Variants in ARHGAP10 observed in about 807,000 individuals in gnomAD.
ARHGAP10 encodes rho GTPase-activating protein 10.
A neutral mutation model predicts 108.6 loss-of-function variants in ARHGAP10; 87 were observed. The ratio of observed to expected loss-of-function variants is 0.80; its 90% CI spans 0.67 to 0.96. The LOEUF is 0.96. Among genes scored for constraint, ARHGAP10 ranks in the 40% least tolerant of loss-of-function variants. The pLI, the probability that ARHGAP10 is intolerant of heterozygous loss-of-function variation, is 0.00. For missense variants in ARHGAP10, 939 were observed against 954.5 expected (o/e 0.98, Z 0.21); for synonymous variants, 347 against 341.1 (o/e 1.02, Z -0.19).
At chr4:147,891,915 A>T (rs1735808413) in intron 10 of ARHGAP10, among the ~76,000 whole-genome samples, 1 of 152,038 alleles carries the variant, frequency 6.6e-6, no homozygotes, top group Admixed American at 6.6e-5. Flanking sequence ...ACATGCTGTT[A>T]GCTTCGCTGG....
chr4:147,927,436 T>C (rs894030354), intron 13 of ARHGAP10, among the ~76,000 whole-genome samples: 31 of 152,200 alleles, frequency 2.0e-4, no homozygotes, highest in African/African-American at 7.0e-4. Context: ...AAGATGTCAA[T>C]ACAGAATCTG....
intron 16 of ARHGAP10, among the ~76,000 whole-genome samples, chr4:147,957,031 T>C (rs183834042): frequency 6.6e-6 from 1 of 152,284 alleles, no homozygotes; most frequent in East Asian, 1.9e-4. Flanking sequence ...TGAAAACGAT[T>C]GCAGAAACGC....
Position 147,984,869 on chromosome 4 carries a change from C to T in ARHGAP10, c.1716+18030C>T, listed in dbSNP as rs76656138. 5.1e-3 allele frequency among the ~76,000 whole-genome samples: 782 copies of T among 152,298 alleles called. 7 individuals carry two copies. Among genetic ancestry groups the T allele is most frequent in the African/African-American group, 0.016 (652 of 41,576 alleles). On this transcript the variant is annotated intron_variant, in intron 18 of 22. Transcript: ENST00000336498. The stretch of plus-strand genomic sequence containing the variant: ...TCTGTGGAGTGCACAGTGGTCTGAG[C>T]GCCCTGCTCCAACCTGGAGGAGGGC...
rs561512763 is a variant in ARHGAP10, at chr4:147,778,125, G to A, written c.155-44602G>A. On this transcript the variant is annotated intron_variant, in intron 1 of 22. Coordinates refer to ENST00000336498, the MANE Select transcript of ARHGAP10 (RefSeq NM_024605.4). Reference sequence around the variant, plus strand: ...CAGGGGAGATCCTGCTAGAAGTGTCGGTTTAGCGCTGAGAGGAGCAAAATG... The same window carrying A: ...CAGGGGAGATCCTGCTAGAAGTGTCAGTTTAGCGCTGAGAGGAGCAAAATG... 1.4e-4 allele frequency among the ~76,000 whole-genome samples: 21 copies of A among 152,216 alleles called. No homozygotes were observed. In the South Asian group the frequency reaches 3.5e-3, roughly 26 times the overall value.
chr4:147,916,038 G>A (rs1406531768), intron 13 of ARHGAP10, among the ~76,000 whole-genome samples: 2 of 152,208 alleles, frequency 1.3e-5, no homozygotes, highest in Non-Finnish European at 2.9e-5. Flanking sequence ...GATCCCAGGG[G>A]TCGAGGCTAC....
intron 1 of ARHGAP10, among the ~76,000 whole-genome samples, chr4:147,790,174 C>G (rs1321518046): frequency 6.6e-6 from 1 of 152,002 alleles, no homozygotes; most frequent in Non-Finnish European, 1.5e-5. Context: ...TCCTGACTTG[C>G]ACGCCACCTT....
intron 1 of ARHGAP10, among the ~76,000 whole-genome samples, chr4:147,785,921 C>G (rs1730872773): frequency 6.6e-6 from 1 of 152,118 alleles, no homozygotes; most frequent in African/African-American, 2.4e-5. Context: ...TCACCAAATA[C>G]ATTTTTCAAG....
chr4:147,742,904 C>CTTT (rs11419792), intron 1 of ARHGAP10, among the ~76,000 whole-genome samples: 33 of 144,736 alleles, frequency 2.3e-4, no homozygotes, highest in South Asian at 4.4e-4. Flanking sequence ...TACTGAAAGC[C>CTTT]TTTTTTTTTT....
At chr4:147,948,486 T>C (rs1194881059) in intron 15 of ARHGAP10, among the ~76,000 whole-genome samples, 1 of 152,194 alleles carries the variant, frequency 6.6e-6, no homozygotes, top group Non-Finnish European at 1.5e-5. Context: ...GCTATTTTAA[T>C]CTCTACATTT....
chr4:147,811,984 T>C (rs1732039873), intron 1 of ARHGAP10, among the ~76,000 whole-genome samples: 1 of 152,172 alleles, frequency 6.6e-6, no homozygotes, highest in African/African-American at 2.4e-5. Context: ...GCTGAGCTGG[T>C]GACTGCTGGG....
chr4:148,031,006 C>T (rs1728125527), intron 19 of ARHGAP10, among the ~76,000 whole-genome samples: 1 of 152,086 alleles, frequency 6.6e-6, no homozygotes, highest in Non-Finnish European at 1.5e-5. Flanking sequence ...CTGCAGCGAG[C>T]CGTGATTATA....
At chr4:147,910,277 C>T (rs528074898) in intron 12 of ARHGAP10, among the ~76,000 whole-genome samples, 2 of 152,168 alleles carry the variant, frequency 1.3e-5, no homozygotes, top group East Asian at 1.9e-4. Context: ...CCTACCTCTG[C>T]CTTCCAAAGT....
At chr4:148,001,074 C>T (rs943011214) in intron 18 of ARHGAP10, among the ~76,000 whole-genome samples, 1 of 152,174 alleles carries the variant, frequency 6.6e-6, no homozygotes, top group Non-Finnish European at 1.5e-5. Context: ...TTTAATCCAT[C>T]TTGAATTAAT....
chr4:147,932,475 A>G (rs906136701), intron 13 of ARHGAP10, among the ~76,000 whole-genome samples: 3 of 152,248 alleles, frequency 2.0e-5, no homozygotes, highest in African/African-American at 7.2e-5. Context: ...ATGCAGCCAT[A>G]AAAAGGAATG....
intron 10 of ARHGAP10, among the ~76,000 whole-genome samples, chr4:147,895,991 A>G (rs1448340811): frequency 1.3e-5 from 2 of 152,214 alleles, no homozygotes; most frequent in African/African-American, 2.4e-5. Flanking sequence ...TGATCATTAA[A>G]TATGTTTCTT....
chr4:147,907,952 C>T (rs575648084), intron 11 of ARHGAP10, among the ~76,000 whole-genome samples: 3 of 152,236 alleles, frequency 2.0e-5, no homozygotes, highest in South Asian at 4.2e-4. Flanking sequence ...AAGTGATTCT[C>T]CTGCTTCAGC....
chr4:147,851,105 C>G (rs542300161), intron 4 of ARHGAP10, among the ~76,000 whole-genome samples: 5 of 152,156 alleles, frequency 3.3e-5, no homozygotes, highest in African/African-American at 9.7e-5. Context: ...CAGATGCTAT[C>G]TTGGAAAGAG....
At chr4:147,792,686 AGTT>A (rs199691254) in intron 1 of ARHGAP10, among the ~76,000 whole-genome samples, 7,285 of 151,798 alleles carry the variant, frequency 0.048, 218 homozygotes, top group Non-Finnish European at 0.077. Context: ...GATTTATCCA[AGTT>A]GTTGTGTTGG....
chr4:147,794,699 C>T (rs960081565), intron 1 of ARHGAP10, among the ~76,000 whole-genome samples: 2 of 152,142 alleles, frequency 1.3e-5, no homozygotes, highest in Admixed American at 6.6e-5. Flanking sequence ...ATTCCCATTG[C>T]CATTGAGTAT....
Sources: gnomAD v4.1 joint callset for allele counts (sites outside exome capture counted in the v4.1 genomes callset) on GRCh38, gnomAD v4.1.1 for gene constraint, MANE v1.5 for transcripts, NCBI Gene and HGNC (gene_info 2026-07-23, HGNC 2026-07-21) for gene names.